AGBL4: variants seen among roughly 807,000 people sequenced by gnomAD.
AGBL4 encodes the protein cytosolic carboxypeptidase 6.
Under a neutral mutation model 66.4 loss-of-function variants are expected in AGBL4, and 58 were observed. That is an observed-to-expected ratio of 0.87 (90% CI 0.71 to 1.09). The LOEUF is 1.09. Ranked by LOEUF, AGBL4 falls within the 50% of genes least tolerant of loss-of-function variation. AGBL4 has a pLI of 0.00. For missense variants in AGBL4, 579 were observed against 631.0 expected (o/e 0.92, Z 0.88); for synonymous variants, 234 against 222.9 (o/e 1.05, Z -0.44).
At chr1:49,098,382 A>G (rs181040082) in intron 4 of AGBL4, among the ~76,000 whole-genome samples, 2 of 152,334 alleles carry the variant, frequency 1.3e-5, no homozygotes, top group African/African-American at 4.8e-5. Flanking sequence ...AGAAGACCCA[A>G]TATAGCACTG....
At chr1:49,602,550 G>A (rs1001607113) in intron 3 of AGBL4, among the ~76,000 whole-genome samples, 1 of 152,054 alleles carries the variant, frequency 6.6e-6, no homozygotes, top group African/African-American at 2.4e-5. Flanking sequence ...CAGGGACATG[G>A]ATGAAGCTGG....
At position 48,533,841 on chromosome 1, in the gene AGBL4, A is replaced by C. The variant is rs962836998; in HGVS notation, c.*332T>G. Reference sequence around the variant, plus strand: ...CTTAAAAATGTAAAGTGGCTTTGAAAGAACTGACCTGATATGTGTCAAATC... The same window carrying C: ...CTTAAAAATGTAAAGTGGCTTTGAACGAACTGACCTGATATGTGTCAAATC... On this transcript the variant is annotated 3_prime_UTR_variant, in exon 14 of 14. Coordinates refer to ENST00000371839, the MANE Select transcript of AGBL4 (RefSeq NM_032785.4). The C allele has an allele frequency of 1.7e-5, 5 of 295,840 alleles. No homozygotes were observed. The highest frequency in any genetic ancestry group is 3.2e-5 in the Non-Finnish European group (5 of 155,710). 18.3% of individuals were successfully genotyped at this position (295,840 alleles called of 1,614,324 possible). A position where few individuals can be genotyped will look rare whatever the true frequency, so the allele number is the denominator to read the frequency against.
At chr1:49,889,019 A>G (rs954433453) in intron 1 of AGBL4, among the ~76,000 whole-genome samples, 4 of 152,244 alleles carry the variant, frequency 2.6e-5, no homozygotes, top group African/African-American at 9.6e-5. Context: ...AAACAATTAA[A>G]TTGTTCACAG....
chr1:49,610,068 T>C (rs1343201112), intron 3 of AGBL4, among the ~76,000 whole-genome samples: 2 of 152,014 alleles, frequency 1.3e-5, no homozygotes, highest in African/African-American at 2.4e-5. Context: ...ATGCAGGCAA[T>C]AGAAAATAAA....
chr1:49,351,868 C>T (rs1643915689), intron 3 of AGBL4, among the ~76,000 whole-genome samples: 1 of 152,184 alleles, frequency 6.6e-6, no homozygotes, highest in South Asian at 2.1e-4. Flanking sequence ...TACCAGATGG[C>T]CACTATGGTA....
intron 4 of AGBL4, among the ~76,000 whole-genome samples, chr1:49,232,135 G>A (rs1459921004): frequency 2.6e-5 from 4 of 152,034 alleles, no homozygotes; most frequent in Non-Finnish European, 5.9e-5. Context: ...TGATGAAAAT[G>A]TTCTAAAATT....
At chr1:49,113,691 G>C (rs1187009334) in intron 4 of AGBL4, among the ~76,000 whole-genome samples, 4 of 152,220 alleles carry the variant, frequency 2.6e-5, no homozygotes, top group Non-Finnish European at 5.9e-5. Flanking sequence ...AAGAAGACTT[G>C]AAAGTTGAAA....
chr1:49,367,597 G>T (rs774113914), intron 3 of AGBL4, among the ~76,000 whole-genome samples: 1 of 152,164 alleles, frequency 6.6e-6, no homozygotes, highest in Non-Finnish European at 1.5e-5. Flanking sequence ...ACCAGGCTTG[G>T]ACAGGGGCAG....
At chr1:49,122,441 C>T (rs930984004) in intron 4 of AGBL4, among the ~76,000 whole-genome samples, 4 of 152,092 alleles carry the variant, frequency 2.6e-5, no homozygotes, top group Admixed American at 1.3e-4. Context: ...GTATGTCACA[C>T]CACATAAATA....
rs1259411702 is a variant in AGBL4 at position 49,302,579 on chromosome 1, ATTTAT to A, written c.283-56720_283-56716del. On this transcript the variant is annotated intron_variant, in intron 3 of 13. Transcript: ENST00000371839. The stretch of plus-strand genomic sequence containing the variant: ...CCACATTTTATTTTATTTTATTTTT[ATTTAT>A]TTTATTTTATATTTTATTTTATTTT... 2.2e-5 allele frequency among the ~76,000 whole-genome samples: 3 copies of A among 138,768 alleles called. No homozygotes were observed. In the Admixed American group the frequency reaches 2.2e-4, roughly 10 times the overall value. The allele number at this position is 138,768 out of a possible 152,430, so 91.0% of individuals were successfully genotyped here. A position where few individuals can be genotyped will look rare whatever the true frequency, so the allele number is the denominator to read the frequency against.
chr1:49,778,698 A>G (rs1435568828), intron 2 of AGBL4, among the ~76,000 whole-genome samples: 2 of 152,200 alleles, frequency 1.3e-5, no homozygotes, highest in Non-Finnish European at 2.9e-5. Flanking sequence ...GTTGGTCTTT[A>G]ATTGGAATAA....
chr1:49,296,747 T>C (rs1410391380), intron 3 of AGBL4, among the ~76,000 whole-genome samples: 2 of 152,184 alleles, frequency 1.3e-5, no homozygotes, highest in Non-Finnish European at 2.9e-5. Context: ...AATAGGTACC[T>C]AGCTGCCAGA....
At chr1:48,716,825 G>A (rs1393521991) in intron 6 of AGBL4, among the ~76,000 whole-genome samples, 1 of 152,174 alleles carries the variant, frequency 6.6e-6, no homozygotes. Context: ...TCCTGAGCTT[G>A]GGCTGGGGTC....
At chr1:48,878,401 C>A (rs1219955148) in intron 5 of AGBL4, among the ~76,000 whole-genome samples, 1 of 152,158 alleles carries the variant, frequency 6.6e-6, no homozygotes, top group African/African-American at 2.4e-5. Flanking sequence ...TCTGAACTTA[C>A]CTCTGCCATA....
intron 3 of AGBL4, among the ~76,000 whole-genome samples, chr1:49,591,026 T>C (rs1644741849): frequency 6.6e-6 from 1 of 152,092 alleles, no homozygotes; most frequent in Non-Finnish European, 1.5e-5. Flanking sequence ...GAGGAAAATG[T>C]ATAGCTTTAA....
chr1:49,755,256 C>T (rs78276329), intron 2 of AGBL4, among the ~76,000 whole-genome samples: 4,239 of 152,046 alleles, frequency 0.028, 165 homozygotes, highest in African/African-American at 0.097. Context: ...TTCCTCATAC[C>T]ATGCACTCCT....
At chr1:49,947,999 A>AATATATATATTTATAAATATATATTT (rs1293629959) in intron 1 of AGBL4, among the ~76,000 whole-genome samples, 1 of 33,196 alleles carries the variant, frequency 3.0e-5, no homozygotes, top group Admixed American at 4.5e-4. Context: ...TATATATATA[A>AATATATATATTTATAAATATATATTT]ATATATATAA....
chr1:49,992,482 T>C (rs1660033166), intron 1 of AGBL4, among the ~76,000 whole-genome samples: 1 of 151,916 alleles, frequency 6.6e-6, no homozygotes, highest in South Asian at 2.1e-4. Flanking sequence ...GTTCCCTATG[T>C]ATCTGGGATA....
Position 48,653,378 on chromosome 1 carries a change from T to A in AGBL4, c.798A>T (p.Ala266=). The change falls in exon 8 of 14, where the codon GCA becomes GCT. Residue 266 remains alanine (A), a synonymous_variant. Transcript: ENST00000371839. ...AGACTCCATCAGGATTGAGCATTGGTGCGATCTTGAAGACCAGGTATTCCC... is the reference window on the plus strand; with the variant it reads ...AGACTCCATCAGGATTGAGCATTGGAGCGATCTTGAAGACCAGGTATTCCC... ...VLREYLVFKI[A]PMLNPDGVYL... The A allele has an allele frequency of 6.3e-7, 1 of 1,587,524 alleles. No individual in the cohort carries two copies. The highest frequency in any genetic ancestry group is 1.2e-5 in the South Asian group (1 of 86,262).
Sources: allele counts gnomAD v4.1 joint callset (sites outside exome capture counted in the v4.1 genomes callset), GRCh38; gene constraint gnomAD v4.1.1; transcripts MANE v1.5; gene names NCBI Gene and HGNC (gene_info 2026-07-23, HGNC 2026-07-21).